GMDS: variants seen among roughly 807,000 people sequenced by gnomAD.
GMDS encodes the protein GDP-mannose 4,6-dehydratase, also known as GDP-mannose 4,6 dehydratase.
In GMDS, 20 loss-of-function variants were observed where a neutral mutation model predicts 49.9. The observed-to-expected ratio is 0.40, with a 90% confidence interval of 0.28 to 0.58. The LOEUF is 0.58. GMDS is among the 20% of genes least tolerant of loss of function. GMDS has a pLI of 0.42. For synonymous variants in GMDS, 177 were observed against 178.6 expected (o/e 0.99, Z 0.07); for missense variants, 362 against 481.4 (o/e 0.75, Z 2.32).
chr6:1,681,863 T>C (rs2113309304), intron 9 of GMDS, among the ~76,000 whole-genome samples: 1 of 152,328 alleles, frequency 6.6e-6, no homozygotes, highest in South Asian at 2.1e-4. Flanking sequence ...GTGCGGCTAA[T>C]TTTTGTATTT....
rs552279459 is a variant in GMDS, at chr6:1,964,785, G to A, written c.346-3819C>T. Among the ~76,000 whole-genome samples the A allele has an allele frequency of 5.9e-5, 9 of 152,138 alleles. No individual in the cohort carries two copies. The South Asian group carries it at 8.3e-4, about 14-fold the overall frequency. On this transcript the variant is annotated intron_variant, in intron 4 of 10. Transcript: ENST00000380815. ...GTTGGTGTGCTGCACCCAGTAACTC[G>A]TCATTTAGCATTAGGTATATCTCCT...
chr6:2,106,028 G>A (rs763225440), intron 4 of GMDS, among the ~76,000 whole-genome samples: 1 of 152,088 alleles, frequency 6.6e-6, no homozygotes, highest in African/African-American at 2.4e-5. Flanking sequence ...CTTGATGTGC[G>A]GTTTCTTATA....
chr6:1,719,633 A>AAAG, intron 9 of GMDS, among the ~76,000 whole-genome samples: 1 of 151,488 alleles, frequency 6.6e-6, no homozygotes, highest in Admixed American at 6.6e-5. Flanking sequence ...AAAAAAAAAA[A>AAAG]AGAGAGAGGG....
intron 8 of GMDS, among the ~76,000 whole-genome samples, chr6:1,727,140 A>G (rs557184229): frequency 1.6e-4 from 24 of 152,286 alleles, no homozygotes; most frequent in South Asian, 4.1e-4. Flanking sequence ...GTGAGGGTAT[A>G]TCAATATTAC....
intron 7 of GMDS, among the ~76,000 whole-genome samples, chr6:1,812,200 C>T (rs1349730209): frequency 6.6e-6 from 1 of 152,130 alleles, no homozygotes; most frequent in Non-Finnish European, 1.5e-5. Flanking sequence ...CGAGGAGGAG[C>T]TCACAAGCCA....
At chr6:1,688,546 C>T (rs181154666) in intron 9 of GMDS, among the ~76,000 whole-genome samples, 17 of 152,358 alleles carry the variant, frequency 1.1e-4, no homozygotes, top group African/African-American at 2.2e-4. Flanking sequence ...AACCTCTCCA[C>T]GCTCTTCAAA....
chr6:2,234,284 ACT>A (rs1428612648), intron 1 of GMDS, among the ~76,000 whole-genome samples: 3 of 152,164 alleles, frequency 2.0e-5, no homozygotes, highest in Non-Finnish European at 4.4e-5. Context: ...CAAAAAGCAG[ACT>A]CTCTTAAATA....
chr6:1,734,612 G>A (rs1766939501), intron 8 of GMDS, among the ~76,000 whole-genome samples: 4 of 152,242 alleles, frequency 2.6e-5, no homozygotes, highest in African/African-American at 9.6e-5. Context: ...CCTCTCAAAA[G>A]GGCATGGCCA....
Position 1,778,752 on chromosome 6 carries a change from A to C in GMDS, c.772-36166T>G, listed in dbSNP as rs1768950284. Among the ~76,000 whole-genome samples the C allele has an allele frequency of 6.6e-6, 1 of 152,188 alleles. No homozygotes were observed. Among genetic ancestry groups the C allele is most frequent in the Non-Finnish European group, 1.5e-5 (1 of 68,024 alleles). The stretch of plus-strand genomic sequence containing the variant: ...AAAAGCCTGCTGACGTTTGCAGCTC[A>C]GACCTCAAAGCTCGTCGACAGCAGC... On this transcript the variant is annotated intron_variant, in intron 7 of 10. Transcript: ENST00000380815. This position sits in a 1 kb window ranked among gnomAD's most constrained non-coding sequence, Gnocchi z 4.6.
intron 4 of GMDS, among the ~76,000 whole-genome samples, chr6:1,964,803 T>C (rs1316010276): frequency 5.9e-5 from 9 of 152,192 alleles, no homozygotes; most frequent in Non-Finnish European, 1.3e-4. Context: ...GCATTAGGTA[T>C]ATCTCCTAAA....
In GMDS at chr6:1,891,031, T is replaced by G. The variant is rs557666746; in HGVS notation, c.771+39072A>C. Among the ~76,000 whole-genome samples the G allele has an allele frequency of 5.9e-5, 9 of 152,352 alleles. No individual in the cohort carries two copies. In the South Asian group the frequency reaches 1.9e-3, roughly 32 times the overall value. On this transcript the variant is annotated intron_variant, in intron 7 of 10. Transcript: ENST00000380815. ...AATTACAAATGTATGGGCTTATATT[T>G]TAAAAATCAACCTTATTTTCTTTCA... is the stretch of plus-strand genomic sequence containing the variant.
intron 9 of GMDS, among the ~76,000 whole-genome samples, chr6:1,641,578 G>C (rs1369568202): frequency 6.6e-6 from 1 of 152,228 alleles, no homozygotes; most frequent in African/African-American, 2.4e-5. Flanking sequence ...GAAGGGCGGA[G>C]CATGGAGCAG....
intron 1 of GMDS, among the ~76,000 whole-genome samples, chr6:2,180,409 A>G (rs970473772): frequency 6.6e-6 from 1 of 152,240 alleles, no homozygotes; most frequent in African/African-American, 2.4e-5. Flanking sequence ...GTTTGACAAT[A>G]AATTTTGATC....
intron 8 of GMDS, among the ~76,000 whole-genome samples, chr6:1,728,036 G>A (rs988657288): frequency 6.6e-6 from 1 of 152,206 alleles, no homozygotes; most frequent in Admixed American, 6.5e-5. Context: ...AAGGGAATTG[G>A]TAGGTAGGAT....
intron 1 of GMDS, among the ~76,000 whole-genome samples, chr6:2,222,463 A>T (rs1780636806): frequency 6.6e-6 from 1 of 152,178 alleles, no homozygotes. Flanking sequence ...TTACACAATT[A>T]TTGGGTACTC....
chr6:2,139,965 T>C (rs1442324119), intron 1 of GMDS, among the ~76,000 whole-genome samples: 1 of 150,982 alleles, frequency 6.6e-6, no homozygotes, highest in Non-Finnish European at 1.5e-5. Context: ...GCAGGAGGAG[T>C]AGGTGTGCGA....
chr6:2,102,061 T>C (rs1393375996), intron 4 of GMDS, among the ~76,000 whole-genome samples: 2 of 152,118 alleles, frequency 1.3e-5, no homozygotes, highest in Non-Finnish European at 2.9e-5. Context: ...TAAGCTATTA[T>C]TATACTACAC....
At chr6:2,121,391 A>G (rs1247960809) in intron 2 of GMDS, among the ~76,000 whole-genome samples, 1 of 152,168 alleles carries the variant, frequency 6.6e-6, no homozygotes, top group African/African-American at 2.4e-5. Flanking sequence ...CATTCTCCTC[A>G]TGCTCTCCTT....
intron 1 of GMDS, among the ~76,000 whole-genome samples, chr6:2,166,907 T>A (rs1395137165): frequency 4.6e-5 from 7 of 152,218 alleles, no homozygotes; most frequent in African/African-American, 1.7e-4. Flanking sequence ...CTTGTTTACA[T>A]TCTCTGTTCC....
Sources: allele counts gnomAD v4.1 joint callset (sites outside exome capture counted in the v4.1 genomes callset), GRCh38; gene constraint gnomAD v4.1.1; non-coding constraint Gnocchi (gnomAD v3.1); transcripts MANE v1.5; gene names NCBI Gene and HGNC (gene_info 2026-07-23, HGNC 2026-07-21).